The following HS3ST5 variants were observed in gnomAD, a reference collection of about 807,000 sequenced individuals.
HS3ST5 encodes heparan sulfate-glucosamine 3-sulfotransferase 5.
In HS3ST5, 10 loss-of-function variants were observed where a neutral mutation model predicts 25.4. That is an observed-to-expected ratio of 0.39 (90% CI 0.24 to 0.67). HS3ST5 has a LOEUF of 0.67. Among genes scored for constraint, HS3ST5 ranks in the 30% least tolerant of loss-of-function variants. The pLI is 0.44. For synonymous variants in HS3ST5, 170 were observed against 162.4 expected (o/e 1.05, Z -0.36); for missense variants, 324 against 420.7 (o/e 0.77, Z 2.01).
intron 3 of HS3ST5, among the ~76,000 whole-genome samples, chr6:114,161,359 G>C (rs1356907767): frequency 2.7e-5 from 4 of 149,506 alleles, no homozygotes; most frequent in African/African-American, 9.9e-5. Flanking sequence ...ATCAAAGCTG[G>C]GGAAAATGGA....
intron 3 of HS3ST5, chr6:114,112,519 A>G (rs552375270): frequency 1.3e-5 from 2 of 152,334 alleles, no homozygotes; most frequent in South Asian, 2.1e-4. Flanking sequence ...CTAAGCCACT[A>G]AGTCTGAGTA....
At chr6:114,100,450 C>A (rs1775666427) in intron 3 of HS3ST5, among the ~76,000 whole-genome samples, 1 of 152,094 alleles carries the variant, frequency 6.6e-6, no homozygotes, top group African/African-American at 2.4e-5. Context: ...AAAAAAAAAT[C>A]GATATCAACT....
At chr6:114,304,095 A>G (rs1775193651) in intron 1 of HS3ST5, among the ~76,000 whole-genome samples, 1 of 152,136 alleles carries the variant, frequency 6.6e-6, no homozygotes, top group Non-Finnish European at 1.5e-5. Context: ...ACAAGATGTC[A>G]GAAGTATTTC....
chr6:114,161,559 A>ATATATATATATATATATG (rs1778969200), intron 3 of HS3ST5, among the ~76,000 whole-genome samples: 2 of 100,094 alleles, frequency 2.0e-5, no homozygotes, highest in Non-Finnish European at 4.2e-5. Context: ...ATATATATAT[A>ATATATATATATATATATG]TATATATATA....
intron 1 of HS3ST5, among the ~76,000 whole-genome samples, chr6:114,262,876 T>C (rs2114673302): frequency 6.6e-6 from 1 of 152,308 alleles, no homozygotes; most frequent in East Asian, 1.9e-4. Flanking sequence ...CCTTTGGAAA[T>C]ATATTGAATA....
At chr6:114,207,726 A>G (rs944478142) in intron 2 of HS3ST5, among the ~76,000 whole-genome samples, 1 of 152,194 alleles carries the variant, frequency 6.6e-6, no homozygotes, top group Non-Finnish European at 1.5e-5. Context: ...TTGGTGATAC[A>G]TAATACCTTA....
intron 3 of HS3ST5, chr6:114,132,420 T>G (rs992425186): frequency 6.6e-6 from 1 of 152,224 alleles, no homozygotes; most frequent in African/African-American, 2.4e-5. Flanking sequence ...TGAGTAAAGC[T>G]CACCCTCTTG....
intron 3 of HS3ST5, among the ~76,000 whole-genome samples, chr6:114,087,641 A>G (rs1418189556): frequency 6.6e-6 from 1 of 152,210 alleles, no homozygotes; most frequent in African/African-American, 2.4e-5. Flanking sequence ...TTCTATGCAA[A>G]AGAATAGTTC....
At chr6:114,330,301 A>G (rs1776341983) in intron 1 of HS3ST5, among the ~76,000 whole-genome samples, 1 of 152,138 alleles carries the variant, frequency 6.6e-6, no homozygotes, top group Non-Finnish European at 1.5e-5. Context: ...ACCTCCTCCA[A>G]TGCATTCCTA....
chr6:114,174,892 C>CAG (rs1299844748), intron 2 of HS3ST5, among the ~76,000 whole-genome samples: 3 of 152,020 alleles, frequency 2.0e-5, no homozygotes, highest in Non-Finnish European at 4.4e-5. Context: ...ACTCAAGAGG[C>CAG]AGAGGCAGGA....
At chr6:114,182,450 T>C (rs1443971851) in intron 2 of HS3ST5, among the ~76,000 whole-genome samples, 3 of 152,228 alleles carry the variant, frequency 2.0e-5, no homozygotes. Flanking sequence ...TTCGAGTTCT[T>C]GCTTTGGCCC....
chr6:114,270,974 T>G (rs1289785427), intron 1 of HS3ST5, among the ~76,000 whole-genome samples: 3 of 152,046 alleles, frequency 2.0e-5, no homozygotes, highest in African/African-American at 4.8e-5. Context: ...CAAGTAGACT[T>G]ATTATAATAG....
chr6:114,315,020 A>G (rs1177331027), intron 1 of HS3ST5, among the ~76,000 whole-genome samples: 1 of 152,192 alleles, frequency 6.6e-6, no homozygotes, highest in Non-Finnish European at 1.5e-5. Flanking sequence ...ATTTTATGTT[A>G]TTGTACCTCC....
rs544459341 is a variant in HS3ST5, at chr6:114,057,069, A to AT, written c.*187dup. On this transcript the variant is annotated 3_prime_UTR_variant, in exon 5 of 5. Transcript: ENST00000312719. ...AAAAGATGCGACTATGCAGACAGCA[A>AT]TTTTTTTTTTTTCGTAAATTTTCAG... 33,049 of 367,548 alleles carry AT rather than the reference A, an allele frequency of 0.09. 83 individuals are homozygous for AT. Among genetic ancestry groups the AT allele is most frequent in the Middle Eastern group, 0.11 (134 of 1,272 alleles). The allele number at this position is 367,548 out of a possible 1,614,324, so 22.8% of individuals were successfully genotyped here.
intron 3 of HS3ST5, among the ~76,000 whole-genome samples, chr6:114,159,416 G>C (rs180777922): frequency 6.3e-4 from 96 of 152,214 alleles, no homozygotes; most frequent in African/African-American, 2.3e-3. Flanking sequence ...TGAGAACAAA[G>C]TATAACTACA....
intron 3 of HS3ST5, among the ~76,000 whole-genome samples, chr6:114,164,990 A>C (rs1484745130): frequency 6.6e-6 from 1 of 152,174 alleles, no homozygotes; most frequent in African/African-American, 2.4e-5. Context: ...ATTCCTCTGA[A>C]AAACTGTTAA....
intron 2 of HS3ST5, among the ~76,000 whole-genome samples, chr6:114,207,992 G>C (rs1231540816): frequency 6.6e-6 from 1 of 152,128 alleles, no homozygotes; most frequent in Non-Finnish European, 1.5e-5. Flanking sequence ...CTACAGTATA[G>C]TTACTCTAAG....
intron 1 of HS3ST5, among the ~76,000 whole-genome samples, chr6:114,332,208 T>A (rs981136287): frequency 6.6e-6 from 1 of 152,120 alleles, no homozygotes; most frequent in Non-Finnish European, 1.5e-5. Context: ...GCAGTTAGAA[T>A]ACTAGAGAAA....
intron 1 of HS3ST5, among the ~76,000 whole-genome samples, chr6:114,333,246 T>C (rs1776475795): frequency 6.6e-6 from 1 of 152,218 alleles, no homozygotes; most frequent in South Asian, 2.1e-4. Flanking sequence ...TGGGAGGAGA[T>C]GATCTTGAGG....
Sources: gnomAD v4.1 joint callset for allele counts (sites outside exome capture counted in the v4.1 genomes callset) on GRCh38, gnomAD v4.1.1 for gene constraint, MANE v1.5 for transcripts, NCBI Gene and HGNC (gene_info 2026-07-23, HGNC 2026-07-21) for gene names.